Variants in CHD8 observed in about 807,000 individuals in gnomAD.
CHD8 encodes the protein chromodomain helicase DNA binding protein 8.
Under a neutral mutation model 279.2 loss-of-function variants are expected in CHD8, and 31 were observed. That is an observed-to-expected ratio of 0.11 (90% CI 0.08 to 0.15). The LOEUF (loss-of-function observed/expected upper bound fraction) is 0.15, where lower values mean the gene tolerates loss of function less well. CHD8 is among the 10% of genes least tolerant of loss of function. The pLI, the probability that CHD8 is intolerant of heterozygous loss-of-function variation, is 1.00. For missense variants in CHD8, 2,146 were observed against 3,230.5 expected (o/e 0.66, Z 8.14); for synonymous variants, 1,081 against 1,139.6 (o/e 0.95, Z 1.04).
chr14:21,388,484 T>C (rs1887378734), intron 37 of CHD8, among the ~76,000 whole-genome samples: 2 of 137,900 alleles, frequency 1.5e-5, no homozygotes, highest in South Asian at 4.2e-4. Flanking sequence ...ACTACATGAT[T>C]TTATTTATTT....
Position 21,431,415 on chromosome 14 carries a change from C to T in CHD8, c.229G>A (p.Glu77Lys), listed in dbSNP as rs1433317452. 6.5e-7 allele frequency: 1 copy of T among 1,537,238 alleles called. No individual in the cohort carries two copies. The highest frequency in any genetic ancestry group is 2.0e-5 in the Admixed American group (1 of 50,996). ...GGAGCTGTGGATTCTTTGGAAAGTTCTGTGGGAGCTGTTTCCTCTGGTGGA... is the reference window on the plus strand; with the variant it reads ...GGAGCTGTGGATTCTTTGGAAAGTTTTGTGGGAGCTGTTTCCTCTGGTGGA... ...VPPPEETAPT[E>K]LSKESTAPAP... Residue 77 changes from glutamate to lysine, a missense_variant, in exon 2 of 38, where the codon GAA (glutamate) becomes AAA (lysine). By Grantham distance (56) the Glu-to-Lys change is moderately conservative. Coordinates refer to ENST00000646647, the MANE Select transcript of CHD8 (RefSeq NM_001170629.2).
At chr14:21,437,263 C>T (rs1889825389) in intron 1 of CHD8, 3 of 1,164,620 alleles carry the variant, frequency 2.6e-6, no homozygotes, top group Non-Finnish European at 3.2e-6. Context: ...CCTCCTCCTG[C>T]GCAACCTAAC....
chr14:21,392,819 G>T lies in CHD8; in HGVS notation c.6469-10C>A. 1.2e-6 allele frequency: 2 copies of T among 1,612,284 alleles called. No homozygotes were observed. The highest frequency in any genetic ancestry group is 1.7e-6 in the Non-Finnish European group (2 of 1,178,708). On this transcript the variant is annotated splice_polypyrimidine_tract_variant and intron_variant, in intron 33 of 37. Coordinates refer to ENST00000646647, the MANE Select transcript of CHD8 (RefSeq NM_001170629.2). ...TTATCAGGACACGATCCTGAATGGG[G>T]AAAGAAAGAAATACCATTTTAAGAG...
intron 28 of CHD8, 61 bp downstream of exon 28, chr14:21,395,756 G>A (rs1887754874): frequency 1.0e-6 from 1 of 953,544 alleles, no homozygotes; most frequent in South Asian, 1.4e-5. Context: ...TCAGAGAATG[G>A]TTGAAGACTT....
In CHD8 at chr14:21,396,294, C is replaced by A. The variant is rs576525357; in HGVS notation, c.5052-402G>T. Among the ~76,000 whole-genome samples, 4 of 151,992 alleles carry A rather than the reference C, an allele frequency of 2.6e-5. No individual in the cohort carries two copies. The South Asian group carries it at 8.3e-4, about 32-fold the overall frequency. On this transcript the variant is annotated intron_variant, in intron 27 of 37. Transcript: ENST00000646647. ...TACAGGAGTGAGCCACCATGCCTGG[C>A]CTTATTTTTATTTTTATATATATAT...
At chr14:21,401,215 G>A in intron 21 of CHD8, 144 bp from the exon 22 acceptor site, 1 of 891,460 alleles carries the variant, frequency 1.1e-6, no homozygotes. Context: ...ATAATCTACA[G>A]AAAGCAAAAT....
intron 5 of CHD8, among the ~76,000 whole-genome samples, chr14:21,424,980 A>G (rs1288830836): frequency 1.3e-5 from 2 of 152,196 alleles, no homozygotes; most frequent in Non-Finnish European, 2.9e-5. Flanking sequence ...TAGAAGCACT[A>G]TGGGTCTCCT....
intron 1 of CHD8, among the ~76,000 whole-genome samples, chr14:21,435,110 T>A (rs10144452): frequency 6.6e-6 from 1 of 152,226 alleles, no homozygotes; most frequent in Non-Finnish European, 1.5e-5. Flanking sequence ...AACACATGTA[T>A]GTGCTCAAAA....
chr14:21,404,382 T>C (rs964635676), intron 16 of CHD8, among the ~76,000 whole-genome samples: 4 of 120,052 alleles, frequency 3.3e-5, no homozygotes, highest in African/African-American at 1.3e-4. Flanking sequence ...TGGGCGACAA[T>C]AGTGAAACTC....
At chr14:21,432,638 T>C (rs1889611715) in intron 1 of CHD8, among the ~76,000 whole-genome samples, 1 of 152,226 alleles carries the variant, frequency 6.6e-6, no homozygotes, top group African/African-American at 2.4e-5. Context: ...TTGCTTATGA[T>C]GCTGTGCTTT....
In CHD8 at chr14:21,403,701, G is replaced by A. The variant is rs1888130662; in HGVS notation, c.3308-38C>T. 6.7e-7 allele frequency: 1 copy of A among 1,494,578 alleles called. No individual in the cohort carries two copies. Among genetic ancestry groups the A allele is most frequent in the Non-Finnish European group, 9.1e-7 (1 of 1,094,060 alleles). The allele number at this position is 1,494,578 out of a possible 1,614,324, so 92.6% of individuals were successfully genotyped here. Reference sequence around the variant, plus strand: ...AAATCAAATTATGTTGAGATCCAGTGAACCATATTAAGGTTGTAGTCTATT... The same window carrying A: ...AAATCAAATTATGTTGAGATCCAGTAAACCATATTAAGGTTGTAGTCTATT... On this transcript the variant is annotated intron_variant, in intron 16 of 37. Transcript: ENST00000646647. The surrounding 1 kb of genome is among the most constrained non-coding windows in gnomAD (Gnocchi z 4.3).
In CHD8 at chr14:21,391,464, G is replaced by A. The variant is rs752792676; in HGVS notation, c.7064C>T (p.Ala2355Val). The A allele has an allele frequency of 9.9e-6, 16 of 1,613,378 alleles. No homozygotes were observed. Among genetic ancestry groups the A allele is most frequent in the Admixed American group, 3.3e-5 (2 of 59,924 alleles). Residue 2355 changes from alanine (A) to valine (V), a missense_variant and splice_region_variant, in exon 36 of 38, where the codon GCG (alanine) becomes GTG (valine). By Grantham distance (64) the Ala-to-Val change is moderately conservative. Coordinates refer to ENST00000646647, the MANE Select transcript of CHD8 (RefSeq NM_001170629.2). ...TTGCTGGATGGGACTGCCACTCACC[G>A]CTAGAAATCGGGGATCAACAGCAAA... is the stretch of plus-strand genomic sequence containing the variant. ...PEFAVDPRFL[A>V]YMEDRRKQKW...
chr14:21,394,642 G>C, intron 30 of CHD8, 157 bp from the exon 31 acceptor site: 1 of 594,968 alleles, frequency 1.7e-6, no homozygotes, highest in Non-Finnish European at 2.9e-6. Flanking sequence ...AAGAGGTAGT[G>C]AGAGGTACTC....
At chr14:21,409,805 A>G in intron 11 of CHD8, 46 bp downstream of exon 11, 9 of 1,522,124 alleles carry the variant, frequency 5.9e-6, no homozygotes, top group Non-Finnish European at 8.0e-6. Flanking sequence ...AAAAAATTTA[A>G]TCATTTCTTA....
At chr14:21,390,507 G>A (rs771825033) in intron 37 of CHD8, among the ~76,000 whole-genome samples, 1 of 152,176 alleles carries the variant, frequency 6.6e-6, no homozygotes, top group Non-Finnish European at 1.5e-5. Flanking sequence ...GCCAGGTGCA[G>A]TGTGGCTCAG....
chr14:21,413,223 C>T (rs1888577412), intron 9 of CHD8, among the ~76,000 whole-genome samples: 1 of 152,066 alleles, frequency 6.6e-6, no homozygotes, highest in South Asian at 2.1e-4. Flanking sequence ...AACAGAGGTC[C>T]TTCTCTCCAT....
At chr14:21,413,452 T>C (rs922633102) in intron 9 of CHD8, among the ~76,000 whole-genome samples, 4 of 151,340 alleles carry the variant, frequency 2.6e-5, no homozygotes, top group Admixed American at 2.6e-4. Context: ...TGGAGTGCAG[T>C]AGAGCGATCT....
At chr14:21,387,572 C>T (rs1380543325) in intron 37 of CHD8, among the ~76,000 whole-genome samples, 2 of 146,872 alleles carry the variant, frequency 1.4e-5, no homozygotes, top group Non-Finnish European at 3.0e-5. Context: ...AGGCGGAGAT[C>T]GCGGTGAGCA....
intron 3 of CHD8, 41 bp from the exon 4 acceptor site, chr14:21,428,295 TTAAATGGCC>T (rs1161142212): frequency 7.6e-6 from 12 of 1,587,144 alleles, no homozygotes; most frequent in Admixed American, 3.5e-5. Flanking sequence ...TTGCTTGTAG[TTAAATGGCC>T]TAAATAAAAT....
Sources: gnomAD v4.1 joint callset for allele counts (sites outside exome capture counted in the v4.1 genomes callset) on GRCh38, gnomAD v4.1.1 for gene constraint, Gnocchi (gnomAD v3.1) non-coding constraint, MANE v1.5 for transcripts, NCBI Gene and HGNC (gene_info 2026-07-23, HGNC 2026-07-21) for gene names.